The following SLC35F4 variants were observed in gnomAD, a reference collection of about 807,000 sequenced individuals.
SLC35F4 encodes the protein chromosome 14 open reading frame 36.
In SLC35F4, 24 loss-of-function variants were observed where a neutral mutation model predicts 44.2. The ratio of observed to expected loss-of-function variants is 0.54; its 90% CI spans 0.39 to 0.76. The LOEUF (loss-of-function observed/expected upper bound fraction) is 0.76, where lower values mean the gene tolerates loss of function less well. SLC35F4 is among the 30% of genes least tolerant of loss of function. SLC35F4 has a pLI of 0.00. For synonymous variants in SLC35F4, 238 were observed against 223.6 expected, an observed-to-expected ratio of 1.06 and a Z score of -0.57; for missense variants, 562 against 586.1, an observed-to-expected ratio of 0.96 and a Z score of 0.42.
At chr14:57,572,905 G>C (rs1024153255) in intron 4 of SLC35F4, among the ~76,000 whole-genome samples, 3 of 152,192 alleles carry the variant, frequency 2.0e-5, no homozygotes, top group African/African-American at 7.2e-5. Flanking sequence ...TGGAACAGGT[G>C]ACAATATGTC....
intron 1 of SLC35F4, among the ~76,000 whole-genome samples, chr14:57,964,493 C>G (rs933031840): frequency 2.6e-5 from 4 of 152,158 alleles, no homozygotes; most frequent in African/African-American, 9.7e-5. Flanking sequence ...AAATATGGAA[C>G]CTACTTTTCT....
intron 1 of SLC35F4, among the ~76,000 whole-genome samples, chr14:57,927,783 G>A (rs1382349758): frequency 3.3e-5 from 5 of 151,964 alleles, no homozygotes; most frequent in South Asian, 2.1e-4. Flanking sequence ...TAGCCATCAC[G>A]CCTGGCCCCT....
intron 1 of SLC35F4, among the ~76,000 whole-genome samples, chr14:57,937,599 A>G (rs813968): frequency 0.057 from 2,421 of 42,490 alleles, 33 homozygotes; most frequent in East Asian, 0.24. Context: ...AGAAAAGAAA[A>G]GAAAAGAAAA....
chr14:57,821,040 T>G (rs1883122682), intron 1 of SLC35F4, among the ~76,000 whole-genome samples: 1 of 152,252 alleles, frequency 6.6e-6, no homozygotes, highest in South Asian at 2.1e-4. Context: ...TTTGCTTTAT[T>G]TCATACTTGT....
At chr14:57,882,960 A>T (rs1397590935) in intron 1 of SLC35F4, among the ~76,000 whole-genome samples, 7 of 151,900 alleles carry the variant, frequency 4.6e-5, no homozygotes. Flanking sequence ...GTACAATTAG[A>T]CATACCTTCT....
intron 1 of SLC35F4, among the ~76,000 whole-genome samples, chr14:57,629,396 T>C (rs1277415744): frequency 6.6e-6 from 1 of 152,152 alleles, no homozygotes; most frequent in African/African-American, 2.4e-5. Flanking sequence ...AGGAGAGTTG[T>C]TGGACTGAAG....
chr14:57,960,542 G>A (rs1890318971), intron 1 of SLC35F4, among the ~76,000 whole-genome samples: 1 of 152,238 alleles, frequency 6.6e-6, no homozygotes, highest in Non-Finnish European at 1.5e-5. Context: ...ACTTAAGAAT[G>A]CTCAATTATG....
chr14:57,831,002 C>T (rs1244338079), intron 1 of SLC35F4, among the ~76,000 whole-genome samples: 1 of 152,150 alleles, frequency 6.6e-6, no homozygotes, highest in Non-Finnish European at 1.5e-5. Flanking sequence ...CATCCCTGCT[C>T]TTGAATGCTG....
intron 1 of SLC35F4, among the ~76,000 whole-genome samples, chr14:57,750,645 T>A (rs971557208): frequency 2.0e-5 from 3 of 152,220 alleles, no homozygotes; most frequent in African/African-American, 7.2e-5. Context: ...GAACATTTTT[T>A]GCACATATCT....
At chr14:57,699,368 CTT>C (rs2075473515) in intron 1 of SLC35F4, among the ~76,000 whole-genome samples, 2 of 152,076 alleles carry the variant, frequency 1.3e-5, no homozygotes, top group Non-Finnish European at 2.9e-5. Flanking sequence ...TATTTTAACA[CTT>C]TTTCAGATTA....
At chr14:57,670,091 C>T (rs1376682300) in intron 1 of SLC35F4, among the ~76,000 whole-genome samples, 1 of 152,080 alleles carries the variant, frequency 6.6e-6, no homozygotes, top group African/African-American at 2.4e-5. Context: ...TTATCCATTT[C>T]TTCTGGATTT....
At chr14:57,665,067 A>G (rs542019950) in intron 1 of SLC35F4, among the ~76,000 whole-genome samples, 2 of 152,032 alleles carry the variant, frequency 1.3e-5, no homozygotes, top group Admixed American at 6.6e-5. Context: ...ACCCTCTTCC[A>G]TCTTCTCCTT....
At chr14:57,609,449 C>T (rs545016840) in intron 1 of SLC35F4, among the ~76,000 whole-genome samples, 1 of 152,166 alleles carries the variant, frequency 6.6e-6, no homozygotes, top group South Asian at 2.1e-4. Context: ...ATTTCTTAGC[C>T]AGAGATAAGG....
intron 1 of SLC35F4, among the ~76,000 whole-genome samples, chr14:57,620,224 C>A (rs1232914346): frequency 6.6e-6 from 1 of 151,928 alleles, no homozygotes; most frequent in Non-Finnish European, 1.5e-5. Flanking sequence ...AAGAGCAACC[C>A]CAAGACATAA....
At chr14:57,737,468 C>T (rs2076495810) in intron 1 of SLC35F4, among the ~76,000 whole-genome samples, 1 of 152,138 alleles carries the variant, frequency 6.6e-6, no homozygotes, top group South Asian at 2.1e-4. Flanking sequence ...AACTGGGGCA[C>T]TTAAAAAGTG....
intron 3 of SLC35F4, among the ~76,000 whole-genome samples, chr14:57,584,233 T>C (rs920176715): frequency 2.0e-5 from 3 of 152,258 alleles, no homozygotes; most frequent in African/African-American, 4.8e-5. Flanking sequence ...TAAATGATTA[T>C]AAAAAACTAC....
chr14:57,740,041 G>A (rs758360935), intron 1 of SLC35F4, among the ~76,000 whole-genome samples: 26 of 152,030 alleles, frequency 1.7e-4, no homozygotes, highest in African/African-American at 5.6e-4. Context: ...TGTATTTTTA[G>A]TACAGATGGG....
intron 4 of SLC35F4, 92 bp from the exon 5 acceptor site, chr14:57,572,111 T>C: frequency 2.7e-6 from 4 of 1,455,690 alleles, no homozygotes; most frequent in Non-Finnish European, 2.8e-6. Context: ...TGCTAAGTAC[T>C]TCCTTAAACC....
At chr14:57,613,128 T>G (rs1595050759) in intron 1 of SLC35F4, among the ~76,000 whole-genome samples, 1 of 152,186 alleles carries the variant, frequency 6.6e-6, no homozygotes, top group South Asian at 2.1e-4. Flanking sequence ...TATGGGAGAG[T>G]TGAGAACAAC....
Sources: gnomAD v4.1 joint callset for allele counts (sites outside exome capture counted in the v4.1 genomes callset) on GRCh38, gnomAD v4.1.1 for gene constraint, MANE v1.5 for transcripts, NCBI Gene and HGNC (gene_info 2026-07-23, HGNC 2026-07-21) for gene names.